Variants in ABLIM1 observed in about 807,000 individuals in gnomAD.
ABLIM1 encodes actin binding LIM protein 1.
A neutral mutation model predicts 107.0 loss-of-function variants in ABLIM1; 40 were observed. The observed-to-expected ratio is 0.37, with a 90% confidence interval of 0.29 to 0.49. ABLIM1 has a LOEUF of 0.49. Among genes scored for constraint, ABLIM1 ranks in the 20% least tolerant of loss-of-function variants. ABLIM1 has a pLI of 0.97. For missense variants in ABLIM1, 857 were observed against 1,008.5 expected (o/e 0.85, Z 2.04); for synonymous variants, 357 against 357.3 (o/e 1.00, Z 0.01).
chr10:114,685,932 C>T (rs532017252), upstream of ABLIM1, among the ~76,000 whole-genome samples: 12 of 152,226 alleles, frequency 7.9e-5, no homozygotes, highest in Admixed American at 1.3e-4. Context: ...CTTTAAATCT[C>T]GAAGTATTAT....
At chr10:114,548,043 G>T (rs762835803) in intron 4 of ABLIM1, among the ~76,000 whole-genome samples, 6 of 152,282 alleles carry the variant, frequency 3.9e-5, no homozygotes, top group Non-Finnish European at 7.3e-5. Flanking sequence ...TTACTTGGGG[G>T]TTTTTTAATG....
At chr10:114,709,685 T>A (rs1340945001) in intron 1 of ABLIM1, among the ~76,000 whole-genome samples, 1 of 152,244 alleles carries the variant, frequency 6.6e-6, no homozygotes, top group East Asian at 1.9e-4. Context: ...TATTGTCATA[T>A]GAAAAGGCAA....
rs1228478986 is a variant in ABLIM1 at position 114,634,133 on chromosome 10, T to TC, written c.244+23823_244+23824insG. 4.2e-4 allele frequency among the ~76,000 whole-genome samples: 38 copies of TC among 90,024 alleles called. 1 individual carries two copies. Among genetic ancestry groups the TC allele is most frequent in the African/African-American group, 1.5e-3 (33 of 22,032 alleles). The allele number at this position is 90,024 out of a possible 152,430, so 59.1% of individuals were successfully genotyped here. A position where few individuals can be genotyped will look rare whatever the true frequency, so the allele number is the denominator to read the frequency against. ...AATGCCATTAGCTCAATTTTTCTTT[T>TC]TTTTTTTTTTTTTTTTTGAGACGGA... is the stretch of plus-strand genomic sequence containing the variant. On this transcript the variant is annotated intron_variant, in intron 1 of 22. Coordinates refer to ENST00000533213, the MANE Select transcript of ABLIM1 (RefSeq NM_002313.7).
rs986522711 is a variant in ABLIM1 at position 114,634,244 on chromosome 10, T to G, written c.244+23713A>C. On this transcript the variant is annotated intron_variant, in intron 1 of 22. Coordinates refer to ENST00000533213, the MANE Select transcript of ABLIM1 (RefSeq NM_002313.7). ...GCCTCCCGGGTTCACGCCATTCTCC[T>G]GCCTCAGCCTCCCGAGTAGCTGGGA... Among the ~76,000 whole-genome samples, 4 of 139,656 alleles carry G rather than the reference T, an allele frequency of 2.9e-5. No homozygotes were observed. In the Admixed American group the frequency reaches 3.0e-4, roughly 11 times the overall value. The allele number at this position is 139,656 out of a possible 152,430, so 91.6% of individuals were successfully genotyped here.
chr10:114,527,981 G>C (rs1056519458), intron 6 of ABLIM1, among the ~76,000 whole-genome samples: 1 of 152,058 alleles, frequency 6.6e-6, no homozygotes, highest in Non-Finnish European at 1.5e-5. Context: ...GGGACTACAG[G>C]TATGCACCAC....
chr10:114,737,908 A>G (rs1299237848), intron 1 of ABLIM1, among the ~76,000 whole-genome samples: 1 of 152,150 alleles, frequency 6.6e-6, no homozygotes, highest in Non-Finnish European at 1.5e-5. Flanking sequence ...ATTCTGGATG[A>G]TGGATATATG....
At chr10:114,447,236 G>A (rs1403315014) in intron 15 of ABLIM1, among the ~76,000 whole-genome samples, 2 of 152,142 alleles carry the variant, frequency 1.3e-5, no homozygotes, top group African/African-American at 4.8e-5. Context: ...TAATTGGAAA[G>A]CATGGAGCAA....
At chr10:114,624,507 A>G (rs957534599) in intron 1 of ABLIM1, among the ~76,000 whole-genome samples, 11 of 152,192 alleles carry the variant, frequency 7.2e-5, no homozygotes, top group Admixed American at 2.6e-4. Flanking sequence ...TGGCATGGGA[A>G]AGGCAAGAAG....
At chr10:114,792,768 C>A in the ABLIM1 span, among the ~76,000 whole-genome samples, 1 of 152,172 alleles carries the variant, frequency 6.6e-6, no homozygotes, top group Admixed American at 6.5e-5. Flanking sequence ...TCCCTTGAAC[C>A]CAGATTCTAT....
chr10:114,602,547 A>G (rs2076097422), intron 1 of ABLIM1, among the ~76,000 whole-genome samples: 1 of 152,216 alleles, frequency 6.6e-6, no homozygotes, highest in Non-Finnish European at 1.5e-5. Context: ...CCGATCATAA[A>G]TGGCAACTCA....
chr10:114,600,569 C>T (rs372388837), intron 2 of ABLIM1, among the ~76,000 whole-genome samples: 6 of 152,158 alleles, frequency 3.9e-5, no homozygotes, highest in South Asian at 4.1e-4. Flanking sequence ...CAAGAGCCCC[C>T]GTGGCCATGG....
chr10:114,583,069 A>G (rs1467712524), intron 2 of ABLIM1, among the ~76,000 whole-genome samples: 1 of 152,126 alleles, frequency 6.6e-6, no homozygotes, highest in East Asian at 1.9e-4. Context: ...AACAGAGTAA[A>G]CAGACAACCT....
intron 1 of ABLIM1, among the ~76,000 whole-genome samples, chr10:114,747,016 A>G (rs1237334232): frequency 6.6e-6 from 1 of 152,210 alleles, no homozygotes; most frequent in Non-Finnish European, 1.5e-5. Context: ...TGACTTGCAA[A>G]TATTTTCTCC....
chr10:114,644,329 A>G (rs186326420), intron 1 of ABLIM1, among the ~76,000 whole-genome samples: 1,685 of 114,840 alleles, frequency 0.015, 68 homozygotes, highest in East Asian at 0.11. Flanking sequence ...ATATATATAT[A>G]TGTGTATATA....
chr10:114,551,408 G>C (rs542477176), intron 4 of ABLIM1, among the ~76,000 whole-genome samples: 5 of 152,342 alleles, frequency 3.3e-5, no homozygotes, highest in African/African-American at 1.2e-4. Context: ...GGCTGAAGCG[G>C]AGTTACACTC....
At position 114,466,417 on chromosome 10, in the gene ABLIM1, C is replaced by T. The variant is rs1354948149; in HGVS notation, c.1312-590G>A. Among the ~76,000 whole-genome samples the T allele has an allele frequency of 3.3e-5, 5 of 151,872 alleles. No homozygotes were observed. In the East Asian group the frequency reaches 9.6e-4, roughly 29 times the overall value. On this transcript the variant is annotated intron_variant, in intron 11 of 22. Coordinates refer to ENST00000533213, the MANE Select transcript of ABLIM1 (RefSeq NM_002313.7). ...TGACCATGCTGACATTGTACTTTTC[C>T]GTTTCATAAGTATGTTCACATACCT...
intron 1 of ABLIM1, among the ~76,000 whole-genome samples, chr10:114,639,194 A>G (rs1236796654): frequency 6.6e-6 from 1 of 152,156 alleles, no homozygotes; most frequent in Non-Finnish European, 1.5e-5. Context: ...ACACACAACC[A>G]TTACTGCATT....
chr10:114,577,169 A>AG (rs1156574721), intron 2 of ABLIM1, among the ~76,000 whole-genome samples: 1 of 152,130 alleles, frequency 6.6e-6, no homozygotes, highest in African/African-American at 2.4e-5. Flanking sequence ...AAGGTATTTG[A>AG]GGGGTGAGAG....
intron 2 of ABLIM1, among the ~76,000 whole-genome samples, chr10:114,583,446 CACACACACACACACACACACACATATAT>C (rs2073724813): frequency 9.6e-5 from 4 of 41,586 alleles, no homozygotes; most frequent in African/African-American, 3.5e-4. Context: ...CACACACACA[CACACACACACACACACACACACATATAT>C]ATATATATAT....
Sources: gnomAD v4.1 joint callset for allele counts (sites outside exome capture counted in the v4.1 genomes callset) on GRCh38, gnomAD v4.1.1 for gene constraint, MANE v1.5 for transcripts, NCBI Gene and HGNC (gene_info 2026-07-23, HGNC 2026-07-21) for gene names.